The following KIAA1217 variants were observed in gnomAD, a reference collection of about 807,000 sequenced individuals.
KIAA1217 encodes sickle tail protein homolog.
A neutral mutation model predicts 163.9 loss-of-function variants in KIAA1217; 88 were observed. The ratio of observed to expected loss-of-function variants is 0.54; its 90% confidence interval spans 0.45 to 0.64. The LOEUF is 0.64. Among genes scored for constraint, KIAA1217 ranks in the 30% least tolerant of loss-of-function variants. The pLI, the probability that KIAA1217 is intolerant of heterozygous loss-of-function variation, is 0.00. For missense variants in KIAA1217, 2,372 were observed against 2,475.0 expected, an observed-to-expected ratio of 0.96 and a Z score of 0.88; for synonymous variants, 903 against 923.1, an observed-to-expected ratio of 0.98 and a Z score of 0.39.
At chr10:24,342,698 G>A (rs908885230) in intron 2 of KIAA1217, among the ~76,000 whole-genome samples, 39 of 122,062 alleles carry the variant, frequency 3.2e-4, no homozygotes, top group African/African-American at 8.0e-4. Context: ...TCACTCTGTC[G>A]CCCAGGCTGG....
chr10:24,234,055 T>C (rs2131152144), intron 2 of KIAA1217, among the ~76,000 whole-genome samples: 1 of 152,140 alleles, frequency 6.6e-6, no homozygotes, highest in East Asian at 1.9e-4. Flanking sequence ...TTTGCATCTG[T>C]CAGGTATGCC....
intron 1 of KIAA1217, among the ~76,000 whole-genome samples, chr10:23,905,862 C>A (rs551061024): frequency 6.6e-6 from 1 of 152,226 alleles, no homozygotes; most frequent in South Asian, 2.1e-4. Context: ...TGTCTTAGTC[C>A]ATTTGTGCTG....
chr10:24,381,097 C>A (rs778762311), intron 3 of KIAA1217, 30 bp downstream of exon 3: 1 of 1,472,324 alleles, frequency 6.8e-7, no homozygotes, highest in Admixed American at 2.3e-5. Flanking sequence ...TTCTGATGCC[C>A]CTTTCTTACT....
intron 2 of KIAA1217, among the ~76,000 whole-genome samples, chr10:24,288,316 T>A (rs1307137016): frequency 6.6e-6 from 1 of 152,240 alleles, no homozygotes; most frequent in Non-Finnish European, 1.5e-5. Flanking sequence ...TTATATGATT[T>A]TGGTGAATTT....
chr10:24,541,403 G>T (rs1340495744), intron 17 of KIAA1217, among the ~76,000 whole-genome samples: 1 of 152,028 alleles, frequency 6.6e-6, no homozygotes, highest in African/African-American at 2.4e-5. Context: ...GTATTTGCGT[G>T]TGATTAATTC....
intron 2 of KIAA1217, among the ~76,000 whole-genome samples, chr10:24,339,710 G>A (rs1031314853): frequency 6.6e-6 from 1 of 152,202 alleles, no homozygotes; most frequent in African/African-American, 2.4e-5. Flanking sequence ...AATGAGGATA[G>A]CACATTAAGA....
At chr10:24,074,427 A>G (rs1025074830) in intron 2 of KIAA1217, among the ~76,000 whole-genome samples, 6 of 151,824 alleles carry the variant, frequency 4.0e-5, no homozygotes, top group African/African-American at 1.5e-4. Flanking sequence ...TGTTGCAGAC[A>G]TTTTCATTTT....
intron 2 of KIAA1217, among the ~76,000 whole-genome samples, chr10:24,162,286 C>A (rs867432865): frequency 2.6e-5 from 4 of 152,220 alleles, no homozygotes; most frequent in Middle Eastern, 3.2e-3. Context: ...AGGAAGTCTG[C>A]CTAAAGCCAT....
intron 5 of KIAA1217, among the ~76,000 whole-genome samples, chr10:24,440,385 G>A (rs905118631): frequency 3.9e-5 from 6 of 152,048 alleles, no homozygotes; most frequent in African/African-American, 7.2e-5. Flanking sequence ...GCTATGTCTA[G>A]CCTTCACCCT....
rs939759566 is a variant in KIAA1217 at position 23,888,650 on chromosome 10, G to A, written c.-320-118575G>A. On this transcript the variant is annotated intron_variant, in intron 1 of 18. Coordinates refer to the KIAA1217 transcript ENST00000376462. ...TTTAAGTGACTTTTGTGTAAAAGTAGGTTTTGCACTTTTGGCACCAAGGCA... is the reference window on the plus strand; with the variant it reads ...TTTAAGTGACTTTTGTGTAAAAGTAAGTTTTGCACTTTTGGCACCAAGGCA... Among the ~76,000 whole-genome samples the A allele has an allele frequency of 2.0e-5, 3 of 151,808 alleles. No homozygotes were observed. In the South Asian group the frequency reaches 6.2e-4, roughly 32 times the overall value.
At chr10:24,022,979 G>A (rs192889344) in intron 2 of KIAA1217, among the ~76,000 whole-genome samples, 1 of 150,820 alleles carries the variant, frequency 6.6e-6, no homozygotes, top group Non-Finnish European at 1.5e-5. Context: ...TATAGCCAAT[G>A]GTGAAATATT....
chr10:24,211,388 T>TA (rs60486827), intron 1 of KIAA1217, among the ~76,000 whole-genome samples: 3,648 of 113,970 alleles, frequency 0.032, 538 homozygotes, highest in African/African-American at 0.073. Flanking sequence ...TTTTTTTTTT[T>TA]TTAGAGAGGG....
At chr10:23,942,927 G>C (rs1382282649) in intron 1 of KIAA1217, among the ~76,000 whole-genome samples, 1 of 146,962 alleles carries the variant, frequency 6.8e-6, no homozygotes, top group Non-Finnish European at 1.5e-5. Flanking sequence ...GGACAACATA[G>C]TGATATCCTG....
In KIAA1217 at chr10:24,544,084, A is replaced by G. The variant is rs982047844; in HGVS notation, c.4814A>G (p.Tyr1605Cys). 9.9e-6 allele frequency: 16 copies of G among 1,614,160 alleles called. No individual in the cohort carries two copies. Among genetic ancestry groups the G allele is most frequent in the Non-Finnish European group, 1.4e-5 (16 of 1,180,024 alleles). ...AAGAAGACTTTGCAAGTGGTAGTCT[A>G]TGAAGAAGAGGAAGAGGATGGCACC... ...TGKKTLQVVV[Y>C]EEEEEDGTLK... Residue 1605 changes from tyrosine (Y) to cysteine (C), a missense_variant, in exon 19 of 21, where the codon TAT becomes TGT. Physicochemically the swap from Tyr to Cys is radical, Grantham distance 194. Coordinates refer to ENST00000376454, the MANE Select transcript of KIAA1217 (RefSeq NM_019590.5).
intron 1 of KIAA1217, among the ~76,000 whole-genome samples, chr10:23,999,263 G>A (rs1846634490): frequency 6.6e-6 from 1 of 152,202 alleles, no homozygotes; most frequent in Non-Finnish European, 1.5e-5. Flanking sequence ...CTGTGTGTTT[G>A]CCCCAGGGAG....
intron 1 of KIAA1217, among the ~76,000 whole-genome samples, chr10:23,841,287 AG>A (rs1418612932): frequency 1.3e-5 from 2 of 152,226 alleles, no homozygotes; most frequent in Admixed American, 1.3e-4. Flanking sequence ...CATTCCAGAA[AG>A]AAAAAAACAA....
chr10:23,900,835 A>T (rs1241167563), intron 1 of KIAA1217, among the ~76,000 whole-genome samples: 2 of 152,114 alleles, frequency 1.3e-5, no homozygotes, highest in African/African-American at 4.8e-5. Flanking sequence ...GTTGTCATGG[A>T]CTAGGGTAAG....
At chr10:24,320,274 T>C (rs1013934958) in intron 2 of KIAA1217, among the ~76,000 whole-genome samples, 36 of 152,206 alleles carry the variant, frequency 2.4e-4, no homozygotes, top group African/African-American at 8.0e-4. Flanking sequence ...GAAAAATAAA[T>C]TGGTACCCAT....
chr10:23,986,710 A>G (rs1409697863), intron 1 of KIAA1217, among the ~76,000 whole-genome samples: 1 of 152,236 alleles, frequency 6.6e-6, no homozygotes, highest in African/African-American at 2.4e-5. Context: ...TCTTTCTGCA[A>G]CAAAATTATG....
Sources: gnomAD v4.1 joint callset for allele counts (sites outside exome capture counted in the v4.1 genomes callset) on GRCh38, gnomAD v4.1.1 for gene constraint, MANE v1.5 for transcripts, NCBI Gene and HGNC (gene_info 2026-07-23, HGNC 2026-07-21) for gene names.